DLG5: variants seen among roughly 807,000 people sequenced by gnomAD.
The protein encoded by DLG5 is discs large MAGUK scaffold protein 5.
Under a neutral mutation model 189.8 loss-of-function variants are expected in DLG5, and 48 were observed. The observed-to-expected ratio is 0.25, with a 90% CI of 0.20 to 0.32. The LOEUF (loss-of-function observed/expected upper bound fraction) is 0.32. Ranked by LOEUF, DLG5 falls within the 10% of genes least tolerant of loss-of-function variation. The pLI is 1.00. For synonymous variants in DLG5, 1,016 were observed against 1,054.1 expected (o/e 0.96, Z 0.70); for missense variants, 2,160 against 2,544.7 (o/e 0.85, Z 3.25).
upstream of DLG5, chr10:77,928,715 A>G (rs887371511): frequency 6.6e-6 from 1 of 152,262 alleles, no homozygotes; most frequent in Admixed American, 6.5e-5. Flanking sequence ...TTGGAGACGA[A>G]TCTGGCTTAT....
intron 8 of DLG5, among the ~76,000 whole-genome samples, 194 bp downstream of exon 8, chr10:77,835,544 G>A (rs1447878495): frequency 6.6e-6 from 1 of 152,200 alleles, no homozygotes; most frequent in Admixed American, 6.5e-5. Flanking sequence ...TGAGATGGGA[G>A]GGAGAAACAA....
Position 77,821,109 on chromosome 10 carries a change from T to A in DLG5, c.3375A>T (p.Pro1125=), listed in dbSNP as rs748944638. 6.2e-7 allele frequency: 1 copy of A among 1,613,626 alleles called. No homozygotes were observed. Among genetic ancestry groups the A allele is most frequent in the Non-Finnish European group, 8.5e-7 (1 of 1,179,850 alleles). Residue 1125 remains proline (P), a synonymous_variant, in exon 15 of 32, where the codon CCA becomes CCT. Transcript: ENST00000372391. ...SAPSFRPKLA[P]VVIPAQFLEE... is the part of the protein sequence containing the mutation. Reference sequence around the variant, plus strand: ...CCAGGAACTGAGCAGGAATCACTACTGGAGCAAGCTTCGGCCGAAAACTGG... The same window carrying A: ...CCAGGAACTGAGCAGGAATCACTACAGGAGCAAGCTTCGGCCGAAAACTGG...
At position 77,828,908 on chromosome 10, in the gene DLG5, G is replaced by C. The variant is rs1453657473; in HGVS notation, c.2263C>G (p.Leu755Val). Residue 755 changes from leucine (L) to valine (V), a missense_variant, in exon 13 of 32, where the codon CTT (leucine) becomes GTT (valine). Physicochemically the swap from Leu to Val is conservative, Grantham distance 32. Transcript: ENST00000372391. ...GCAACGATCCTGTCTCCCACAGCAA[G>C]GGACCCTTCTTTAGCGGCAGGGCTT... ...PGSPAAKEGS[L>V]AVGDRIVAIN... The C allele has an allele frequency of 4.3e-6, 7 of 1,614,054 alleles. No individual in the cohort carries two copies. Among genetic ancestry groups the C allele is most frequent in the Non-Finnish European group, 5.1e-6 (6 of 1,180,042 alleles).
intron 1 of DLG5, among the ~76,000 whole-genome samples, chr10:77,902,578 G>A (rs1417349095): frequency 6.6e-6 from 1 of 152,136 alleles, no homozygotes; most frequent in African/African-American, 2.4e-5. Context: ...GAGCCATTGA[G>A]GGCCGGGCGC....
chr10:77,908,088 G>A (rs1225811419), intron 1 of DLG5, among the ~76,000 whole-genome samples: 1 of 152,024 alleles, frequency 6.6e-6, no homozygotes, highest in East Asian at 1.9e-4. Flanking sequence ...AGGACATGAG[G>A]CCTGGAAAGC....
At chr10:77,886,755 A>G (rs1845452879) in intron 1 of DLG5, among the ~76,000 whole-genome samples, 1 of 152,194 alleles carries the variant, frequency 6.6e-6, no homozygotes. Context: ...GTATTGGAAG[A>G]TAAGGTCTTT....
chr10:77,900,108 C>T (rs912441757), intron 1 of DLG5, among the ~76,000 whole-genome samples: 6 of 152,096 alleles, frequency 3.9e-5, no homozygotes, highest in South Asian at 2.1e-4. Context: ...CTCTAAAATT[C>T]GTCTTATTGC....
chr10:77,856,586 T>C, intron 3 of DLG5, 144 bp downstream of exon 3: 1 of 1,106,340 alleles, frequency 9.0e-7, no homozygotes, highest in Non-Finnish European at 1.3e-6. Context: ...GAAGCATTTC[T>C]GGACATGAGG....
chr10:77,811,266 A>C, intron 22 of DLG5, 32 bp from the exon 23 acceptor site: 1 of 1,599,748 alleles, frequency 6.3e-7, no homozygotes, highest in Non-Finnish European at 8.5e-7. Context: ...GATAAGGAGC[A>C]GTACGAAGCC....
In DLG5 at chr10:77,926,239, C is replaced by T; in HGVS notation, c.282G>A (p.Pro94=). The T allele has an allele frequency of 6.6e-7, 1 of 1,512,648 alleles. No homozygotes were observed. The allele number at this position is 1,512,648 out of a possible 1,614,324, so 93.7% of individuals were successfully genotyped here. Residue 94 remains proline, a synonymous_variant, in exon 1 of 32, where the codon CCG becomes CCA. Coordinates refer to ENST00000372391, the MANE Select transcript of DLG5 (RefSeq NM_004747.4). The surrounding 1 kb of genome is among the most constrained non-coding windows in gnomAD (Gnocchi z 5.2). ...PILYLNGVVG[P]PQPAEGAGST... ...CACCCGCGCCTTCGGCGGGCTGCGG[C>T]GGCCCGACGACGCCGTTCAGGTAGA... is the stretch of plus-strand genomic sequence containing the variant.
intron 2 of DLG5, among the ~76,000 whole-genome samples, chr10:77,858,073 G>A (rs1844320730): frequency 6.6e-6 from 1 of 152,196 alleles, no homozygotes; most frequent in Non-Finnish European, 1.5e-5. Context: ...AGGATAGGGA[G>A]CTCAGGGCCA....
intron 1 of DLG5, among the ~76,000 whole-genome samples, chr10:77,910,747 G>A (rs182769191): frequency 6.6e-6 from 1 of 152,256 alleles, no homozygotes; most frequent in African/African-American, 2.4e-5. Context: ...CAAGGCAGGT[G>A]GATCACCTGA....
Position 77,846,936 on chromosome 10 carries a change from G to A in DLG5, c.865-3230C>T, listed in dbSNP as rs547615448. On this transcript the variant is annotated intron_variant, in intron 5 of 31. Coordinates refer to ENST00000372391, the MANE Select transcript of DLG5 (RefSeq NM_004747.4). Reference sequence around the variant, plus strand: ...CAGCCTTGAAATGACACAAAGCCCGGTTCTGGGTGGTAGCCCGCAGAGCCC... The same window carrying A: ...CAGCCTTGAAATGACACAAAGCCCGATTCTGGGTGGTAGCCCGCAGAGCCC... Among the ~76,000 whole-genome samples the A allele has an allele frequency of 3.3e-5, 5 of 152,234 alleles. No individual in the cohort carries two copies. In the South Asian group the frequency reaches 1.0e-3, roughly 32 times the overall value.
chr10:77,826,043 C>A (rs1324711797), intron 13 of DLG5, among the ~76,000 whole-genome samples: 2 of 152,178 alleles, frequency 1.3e-5, no homozygotes, highest in African/African-American at 4.8e-5. Context: ...AGTTCCCCCA[C>A]ACACTGCAGG....
At chr10:77,870,158 T>A (rs1844841319) in intron 1 of DLG5, among the ~76,000 whole-genome samples, 1 of 152,128 alleles carries the variant, frequency 6.6e-6, no homozygotes, top group Admixed American at 6.5e-5. Context: ...GGACAAAGCA[T>A]AACACACAGA....
intron 1 of DLG5, among the ~76,000 whole-genome samples, chr10:77,892,749 G>T (rs1197362520): frequency 6.6e-6 from 1 of 152,156 alleles, no homozygotes; most frequent in Non-Finnish European, 1.5e-5. Flanking sequence ...CCCAATAAAG[G>T]ATTGCTGAAT....
Position 77,800,859 on chromosome 10 carries a change from G to A in DLG5, c.5165-4265C>T, listed in dbSNP as rs1470929586. ...AAGTCAAGGCTCCCTAGGGAAGAGCGGCCCTAGGGAACACCCCAGGCTGGG... is the reference window on the plus strand; with the variant it reads ...AAGTCAAGGCTCCCTAGGGAAGAGCAGCCCTAGGGAACACCCCAGGCTGGG... On this transcript the variant is annotated intron_variant, in intron 27 of 31. Transcript: ENST00000372391. Among the ~76,000 whole-genome samples, 3 of 152,144 alleles carry A rather than the reference G, an allele frequency of 2.0e-5. No individual in the cohort carries two copies. The East Asian group carries it at 5.8e-4, about 29-fold the overall frequency.
At chr10:77,938,878 T>C in the DLG5 span, among the ~76,000 whole-genome samples, 10 of 152,262 alleles carry the variant, frequency 6.6e-5, no homozygotes, top group Non-Finnish European at 1.3e-4. Flanking sequence ...AGAAGAGCTT[T>C]TGCACATGCA....
intron 20 of DLG5, among the ~76,000 whole-genome samples, chr10:77,814,936 G>C (rs1841978901): frequency 6.6e-6 from 1 of 152,042 alleles, no homozygotes; most frequent in African/African-American, 2.4e-5. Flanking sequence ...TGGGAAACGG[G>C]GCCATTTTTA....
Sources: gnomAD v4.1 joint callset for allele counts (sites outside exome capture counted in the v4.1 genomes callset) on GRCh38, gnomAD v4.1.1 for gene constraint, Gnocchi (gnomAD v3.1) non-coding constraint, MANE v1.5 for transcripts, NCBI Gene and HGNC (gene_info 2026-07-23, HGNC 2026-07-21) for gene names.